CABIN1: variants seen among roughly 807,000 people sequenced by gnomAD.
CABIN1 encodes the protein calcineurin-binding protein cabin-1.
In CABIN1, 133 loss-of-function variants were observed where a neutral mutation model predicts 227.7. The ratio of observed to expected loss-of-function variants is 0.58; its 90% CI spans 0.51 to 0.67. The LOEUF (loss-of-function observed/expected upper bound fraction) is 0.67. CABIN1 is among the 30% of genes least tolerant of loss of function. The pLI is 0.00. For synonymous variants in CABIN1, 1,086 were observed against 1,155.1 expected (o/e 0.94, Z 1.21); for missense variants, 2,408 against 2,852.5 (o/e 0.84, Z 3.55).
At chr22:24,028,890 T>C (rs2036288406) in intron 1 of CABIN1, among the ~76,000 whole-genome samples, 1 of 152,122 alleles carries the variant, frequency 6.6e-6, no homozygotes, top group Non-Finnish European at 1.5e-5. Context: ...TACAAGGCTA[T>C]TAAGAGGGAC....
At chr22:24,078,372 T>C (rs1338830542) in intron 19 of CABIN1, among the ~76,000 whole-genome samples, 1 of 152,258 alleles carries the variant, frequency 6.6e-6, no homozygotes, top group African/African-American at 2.4e-5. Flanking sequence ...TGCTGAGCAC[T>C]CATGATTCTG....
intron 28 of CABIN1, among the ~76,000 whole-genome samples, chr22:24,131,940 C>T (rs1463959478): frequency 6.6e-6 from 1 of 152,060 alleles, no homozygotes; most frequent in Non-Finnish European, 1.5e-5. Flanking sequence ...GTGGCAGGCA[C>T]CTGTAGTCCC....
At chr22:24,150,926 T>G (rs149546546) in intron 29 of CABIN1, among the ~76,000 whole-genome samples, 1 of 152,232 alleles carries the variant, frequency 6.6e-6, no homozygotes, top group East Asian at 1.9e-4. Flanking sequence ...TATGCTTGGG[T>G]CAAGTCTTTC....
intron 1 of CABIN1, among the ~76,000 whole-genome samples, chr22:24,016,546 C>G (rs956864165): frequency 6.6e-6 from 1 of 152,228 alleles, no homozygotes; most frequent in Admixed American, 6.5e-5. Context: ...ACTCTCCTAT[C>G]TATGGCCATT....
intron 1 of CABIN1, among the ~76,000 whole-genome samples, chr22:24,022,311 C>T (rs900564657): frequency 2.6e-5 from 4 of 152,162 alleles, no homozygotes; most frequent in African/African-American, 9.7e-5. Context: ...ATGTGTTCTC[C>T]ATCACTATAG....
In CABIN1 at chr22:24,086,525, G is replaced by A. The variant is rs2041177999; in HGVS notation, c.3264-927G>A. Among the ~76,000 whole-genome samples the A allele has an allele frequency of 2.6e-5, 4 of 152,228 alleles. No individual in the cohort carries two copies. In the South Asian group the frequency reaches 8.3e-4, roughly 32 times the overall value. On this transcript the variant is annotated intron_variant, in intron 22 of 36. Coordinates refer to ENST00000263119, the MANE Select transcript of CABIN1 (RefSeq NM_012295.4). ...GCTTGATCCTGGGCTCCAGGCCTTG[G>A]CCACTTTCGTTCTGGCCTTAACAGG... is the stretch of plus-strand genomic sequence containing the variant.
rs941105739 is a variant in CABIN1, at chr22:24,137,035, G to A, written c.4746+2620G>A. 2.0e-5 allele frequency among the ~76,000 whole-genome samples: 3 copies of A among 152,282 alleles called. No individual in the cohort carries two copies. The South Asian group carries it at 6.2e-4, about 32-fold the overall frequency. On this transcript the variant is annotated intron_variant, in intron 29 of 36. Transcript: ENST00000263119. ...CCTGGGTTCCTCACCTTGAAAGTGG[G>A]CTTCTATTACCTGGCTTGAAGAGTA... is the stretch of plus-strand genomic sequence containing the variant.
intron 28 of CABIN1, among the ~76,000 whole-genome samples, chr22:24,126,166 A>G (rs2043711788): frequency 6.6e-6 from 1 of 152,204 alleles, no homozygotes; most frequent in South Asian, 2.1e-4. Context: ...TCACTCATTC[A>G]GCAGCTGTCT....
At chr22:24,090,517 ATTTTT>A (rs11356877) in intron 23 of CABIN1, among the ~76,000 whole-genome samples, 7 of 122,380 alleles carry the variant, frequency 5.7e-5, no homozygotes, top group South Asian at 2.6e-4. Context: ...CTGTGTGGTC[ATTTTT>A]TTTTTTTTTT....
In CABIN1 at chr22:24,056,227, G is replaced by A. The variant is rs139342359; in HGVS notation, c.1129G>A (p.Val377Ile). The A allele has an allele frequency of 1.2e-5, 20 of 1,613,900 alleles. No homozygotes were observed. Among genetic ancestry groups the A allele is most frequent in the Admixed American group, 1.7e-5 (1 of 59,988 alleles). Reference protein sequence around the residue: ...ISGGDKSKKGVKRKKISEESG... With the variant: ...ISGGDKSKKGIKRKKISEESG... The stretch of plus-strand genomic sequence containing the variant: ...TGGGGGAGATAAATCCAAGAAAGGG[G>A]TAAAACGGAAGAAGATTTCAGAAGA... The change falls in exon 10 of 37, where the codon GTA (valine) becomes ATA (isoleucine). Residue 377 changes from valine to isoleucine, a missense_variant. Transcript: ENST00000263119.
intron 1 of CABIN1, among the ~76,000 whole-genome samples, chr22:24,015,830 T>C (rs565464333): frequency 1.3e-5 from 2 of 152,086 alleles, no homozygotes; most frequent in East Asian, 3.9e-4. Context: ...TGGTGGTGCA[T>C]GCATGTAGTC....
chr22:24,014,403 C>A (rs2035078887), intron 1 of CABIN1, among the ~76,000 whole-genome samples: 1 of 150,912 alleles, frequency 6.6e-6, no homozygotes, highest in African/African-American at 2.5e-5. Context: ...GCTTCTGTGG[C>A]CTATCAACTG....
intron 8 of CABIN1, among the ~76,000 whole-genome samples, chr22:24,054,620 C>T (rs1409524141): frequency 6.6e-6 from 1 of 152,204 alleles, no homozygotes; most frequent in Non-Finnish European, 1.5e-5. Context: ...TATGGGGCTT[C>T]TGCTGCAGTG....
chr22:24,042,830 G>C lies in CABIN1; in HGVS notation c.346-74G>C, dbSNP rs1214538259. The stretch of plus-strand genomic sequence containing the variant: ...AGGAGAGATCTGACTGTGTGTGTGT[G>C]TGTGTGTGTGTGTGTGTGTGTGTGT... On this transcript the variant is annotated intron_variant, in intron 5 of 36. Transcript: ENST00000263119. 84 of 600,608 alleles carry C rather than the reference G, an allele frequency of 1.4e-4. 1 individual carries two copies. Among genetic ancestry groups the C allele is most frequent in the East Asian group, 1.0e-3 (32 of 30,854 alleles). The allele number at this position is 600,608 out of a possible 1,614,324, so 37.2% of individuals were successfully genotyped here. A position where few individuals can be genotyped will look rare whatever the true frequency, so the allele number is the denominator to read the frequency against.
intron 18 of CABIN1, among the ~76,000 whole-genome samples, 179 bp downstream of exon 18, chr22:24,072,689 A>G (rs1367758910): frequency 6.6e-6 from 1 of 152,088 alleles, no homozygotes; most frequent in African/African-American, 2.4e-5. Flanking sequence ...TCCCTGAGGG[A>G]GCTTACTGTG....
intron 24 of CABIN1, among the ~76,000 whole-genome samples, chr22:24,092,687 AGTGTGTGTGTGTGTGT>A (rs3221282): frequency 1.4e-5 from 2 of 138,714 alleles, no homozygotes; most frequent in African/African-American, 2.7e-5. Flanking sequence ...TGATTATAAA[AGTGTGTGTGTGTGTGT>A]GTGTGTGTGT....
chr22:24,047,621 C>T (rs1282773380), intron 6 of CABIN1, among the ~76,000 whole-genome samples: 1 of 152,240 alleles, frequency 6.6e-6, no homozygotes, highest in Non-Finnish European at 1.5e-5. Context: ...AGCCTTTGTG[C>T]ACCTTGGGGC....
Position 24,168,464 on chromosome 22 carries a change from G to A in CABIN1, c.5700G>A (p.Ala1900=), listed in dbSNP as rs111317972. Residue 1900 remains alanine (A), a synonymous_variant, in exon 33 of 37, where the codon GCG becomes GCA. Transcript: ENST00000263119. ...MLIKQVDEEA[A]LEQAVKFCQV... ...CTGTTAAGGTGGATGAGGAGGCTGC[G>A]CTGGAGCAGGCTGTGAAGTTCTGCC... 80 of 1,571,196 alleles carry A rather than the reference G, an allele frequency of 5.1e-5. No homozygotes were observed. Among genetic ancestry groups the A allele is most frequent in the African/African-American group, 1.6e-4 (12 of 73,946 alleles).
intron 28 of CABIN1, among the ~76,000 whole-genome samples, chr22:24,121,216 A>T (rs1428376849): frequency 1.3e-5 from 2 of 152,362 alleles, no homozygotes; most frequent in South Asian, 4.1e-4. Flanking sequence ...CAGTTGGCCA[A>T]GAGATGGGCC....
Sources: gnomAD v4.1 joint callset for allele counts (sites outside exome capture counted in the v4.1 genomes callset) on GRCh38, gnomAD v4.1.1 for gene constraint, MANE v1.5 for transcripts, NCBI Gene and HGNC (gene_info 2026-07-23, HGNC 2026-07-21) for gene names.